PDIA5: variants seen among roughly 807,000 people sequenced by gnomAD.
PDIA5 encodes protein disulfide-isomerase A5.
PDIA5 carries 58 observed loss-of-function variants against 77.6 expected under a neutral mutation model. The ratio of observed to expected loss-of-function variants is 0.75; its 90% CI spans 0.61 to 0.93. PDIA5 has a LOEUF of 0.93. PDIA5 is among the 40% of genes least tolerant of loss of function. PDIA5 has a pLI of 0.00. For missense variants in PDIA5, 630 were observed against 647.7 expected (o/e 0.97, Z 0.30); for synonymous variants, 250 against 252.1 (o/e 0.99, Z 0.08).
chr3:123,120,228 C>G (rs1482741977), intron 8 of PDIA5, among the ~76,000 whole-genome samples: 4 of 152,238 alleles, frequency 2.6e-5, no homozygotes, highest in Non-Finnish European at 4.4e-5. Flanking sequence ...ATAGAACCAT[C>G]ATGACGACAG....
At position 123,141,799 on chromosome 3, in the gene PDIA5, T is replaced by C. The variant is rs565999976; in HGVS notation, c.911-3723T>C. ...CTTAATATACCTCATATTAAGTCAGTAGAACCTTCTGCAGATTATTCCATT... is the reference window on the plus strand; with the variant it reads ...CTTAATATACCTCATATTAAGTCAGCAGAACCTTCTGCAGATTATTCCATT... On this transcript the variant is annotated intron_variant, in intron 11 of 16. Transcript: ENST00000316218. 2.0e-5 allele frequency among the ~76,000 whole-genome samples: 3 copies of C among 152,360 alleles called. No individual in the cohort carries two copies. The South Asian group carries it at 6.2e-4, about 32-fold the overall frequency.
intron 7 of PDIA5, among the ~76,000 whole-genome samples, chr3:123,113,299 T>C (rs1314585236): frequency 1.3e-5 from 2 of 152,174 alleles, no homozygotes; most frequent in African/African-American, 4.8e-5. Context: ...ATTAGTCATT[T>C]AGAAGTGTGC....
intron 8 of PDIA5, among the ~76,000 whole-genome samples, chr3:123,120,257 C>G (rs1187180672): frequency 6.6e-6 from 1 of 152,212 alleles, no homozygotes; most frequent in Admixed American, 6.5e-5. Flanking sequence ...AGACCAGGCT[C>G]TAGTGCTGGC....
intron 7 of PDIA5, among the ~76,000 whole-genome samples, chr3:123,115,019 G>A (rs1448659187): frequency 2.6e-5 from 4 of 152,168 alleles, no homozygotes; most frequent in Non-Finnish European, 5.9e-5. Context: ...TGGTGGCCCA[G>A]AAGGAATGTT....
chr3:123,086,760 C>T (rs1934149637), intron 1 of PDIA5, among the ~76,000 whole-genome samples: 1 of 152,130 alleles, frequency 6.6e-6, no homozygotes, highest in Admixed American at 6.5e-5. Context: ...GTTTCCATGT[C>T]TAATTTTTCA....
intron 7 of PDIA5, among the ~76,000 whole-genome samples, 168 bp from the exon 8 acceptor site, chr3:123,116,063 C>T (rs571281583): frequency 1.9e-4 from 29 of 152,334 alleles, no homozygotes; most frequent in Middle Eastern, 3.4e-3. Flanking sequence ...GGGGCTGAGA[C>T]GCCCACCTCC....
At chr3:123,132,798 T>C (rs1018099522) in intron 11 of PDIA5, among the ~76,000 whole-genome samples, 12 of 152,232 alleles carry the variant, frequency 7.9e-5, no homozygotes, top group Non-Finnish European at 1.5e-4. Context: ...ACTGGCTGGC[T>C]GTTTCCAGTT....
chr3:123,101,440 G>A (rs1475687598), intron 3 of PDIA5, among the ~76,000 whole-genome samples: 1 of 152,160 alleles, frequency 6.6e-6, no homozygotes, highest in Non-Finnish European at 1.5e-5. Context: ...ACAGGGAATG[G>A]CACCTCACAG....
At chr3:123,129,775 C>CGGCT (rs938652121) in intron 10 of PDIA5, among the ~76,000 whole-genome samples, 2 of 152,086 alleles carry the variant, frequency 1.3e-5, no homozygotes, top group African/African-American at 4.8e-5. Flanking sequence ...AGAGGTCAGG[C>CGGCT]GGCTGCCTAA....
intron 1 of PDIA5, among the ~76,000 whole-genome samples, chr3:123,080,721 G>C (rs1360123743): frequency 6.6e-6 from 1 of 152,146 alleles, no homozygotes; most frequent in Non-Finnish European, 1.5e-5. Context: ...TTTCTTTCTA[G>C]TTAAAGCTTT....
intron 14 of PDIA5, among the ~76,000 whole-genome samples, chr3:123,151,791 T>TCCTGCCTGCCTGCCTTCCTGCCTG (rs1560561736): frequency 6.2e-5 from 6 of 96,498 alleles, no homozygotes; most frequent in Admixed American, 1.1e-4. Context: ...TGGCCTGCCT[T>TCCTGCCTGCCTGCCTTCCTGCCTG]CCTGCCTGCC....
At chr3:123,152,644 AAGC>A (rs1405999517) in intron 14 of PDIA5, among the ~76,000 whole-genome samples, 1 of 152,160 alleles carries the variant, frequency 6.6e-6, no homozygotes, top group East Asian at 1.9e-4. Flanking sequence ...TCTAAAGGAA[AAGC>A]AGCATACCCA....
At chr3:123,126,864 G>C (rs1221310193) in intron 10 of PDIA5, among the ~76,000 whole-genome samples, 1 of 152,244 alleles carries the variant, frequency 6.6e-6, no homozygotes, top group South Asian at 2.1e-4. Flanking sequence ...AGGTGAGGCA[G>C]GGCAGGGAGT....
At chr3:123,075,267 A>G (rs1005084191) in intron 1 of PDIA5, among the ~76,000 whole-genome samples, 1 of 152,184 alleles carries the variant, frequency 6.6e-6, no homozygotes, top group African/African-American at 2.4e-5. Flanking sequence ...GTTGCTTAGA[A>G]GAGAGGTCTG....
At chr3:123,155,532 G>A (rs1407615269) in intron 15 of PDIA5, among the ~76,000 whole-genome samples, 2 of 152,184 alleles carry the variant, frequency 1.3e-5, no homozygotes, top group Admixed American at 1.3e-4. Flanking sequence ...TAGAGTGCAG[G>A]GCCTCCAGGC....
chr3:123,099,913 T>C (rs912804377), intron 3 of PDIA5, among the ~76,000 whole-genome samples: 1 of 152,252 alleles, frequency 6.6e-6, no homozygotes, highest in Non-Finnish European at 1.5e-5. Flanking sequence ...TCCTGTCCAG[T>C]TGCTGCCTTG....
At chr3:123,118,581 G>A (rs767350133) in intron 8 of PDIA5, among the ~76,000 whole-genome samples, 2 of 152,074 alleles carry the variant, frequency 1.3e-5, no homozygotes, top group African/African-American at 2.4e-5. Context: ...CCCATCCCAC[G>A]CTGCCACAGA....
intron 1 of PDIA5, among the ~76,000 whole-genome samples, chr3:123,076,165 G>A (rs911947719): frequency 6.6e-6 from 1 of 152,136 alleles, no homozygotes; most frequent in African/African-American, 2.4e-5. Flanking sequence ...TGGAGCAACG[G>A]GGAGTGGATG....
chr3:123,145,302 T>C (rs1464643169), intron 11 of PDIA5: 14 of 552,980 alleles, frequency 2.5e-5, no homozygotes, highest in Non-Finnish European at 3.8e-5. Flanking sequence ...GCCCGTATTA[T>C]TTATGCAGTT....
Sources: allele counts gnomAD v4.1 joint callset (sites outside exome capture counted in the v4.1 genomes callset), GRCh38; gene constraint gnomAD v4.1.1; transcripts MANE v1.5; gene names NCBI Gene and HGNC (gene_info 2026-07-23, HGNC 2026-07-21).